EPHA6: variants seen among roughly 807,000 people sequenced by gnomAD.
The protein encoded by EPHA6 is ephrin type-A receptor 6.
Under a neutral mutation model 112.0 loss-of-function variants are expected in EPHA6, and 50 were observed. The ratio of observed to expected loss-of-function variants is 0.45; its 90% confidence interval spans 0.36 to 0.56. EPHA6 has a LOEUF of 0.56. Among genes scored for constraint, EPHA6 ranks in the 20% least tolerant of loss-of-function variants. The probability of loss-of-function intolerance (pLI) is 0.00; values close to 1 mark genes in which losing one functional copy is unlikely to be tolerated. For synonymous variants in EPHA6, 529 were observed against 490.7 expected (o/e 1.08, Z -1.03); for missense variants, 1,280 against 1,417.4 (o/e 0.90, Z 1.56).
At position 97,757,501 on chromosome 3, in the gene EPHA6, T is replaced by C. The variant is rs1232518119; in HGVS notation, c.*8800T>C. Among the ~76,000 whole-genome samples, 1 of 151,620 alleles carries C rather than the reference T, an allele frequency of 6.6e-6. No individual in the cohort carries two copies. The highest frequency in any genetic ancestry group is 6.6e-5 in the Admixed American group (1 of 15,240). The stretch of plus-strand genomic sequence containing the variant: ...ATTTGCCAAAAAATTCAAATAATAA[T>C]ACATTGAATATTGGACTGCCATAGC... On this transcript the variant is annotated 3_prime_UTR_variant, in exon 18 of 18. Transcript: ENST00000389672.
Position 97,190,223 on chromosome 3 carries a change from A to G in EPHA6, c.1115-36041A>G, listed in dbSNP as rs145878969. Among the ~76,000 whole-genome samples, 634 of 152,222 alleles carry G rather than the reference A, an allele frequency of 4.2e-3. 5 individuals are homozygous for G. Among genetic ancestry groups the G allele is most frequent in the African/African-American group, 0.014 (585 of 41,558 alleles). On this transcript the variant is annotated intron_variant, in intron 3 of 17. Transcript: ENST00000389672. ...CTATCATGTCCATCTTTTCACTGTT[A>G]CCACTTCAAAATTCATTGGCCTGAC...
At chr3:97,287,309 G>C (rs1351283888) in intron 5 of EPHA6, among the ~76,000 whole-genome samples, 2 of 151,980 alleles carry the variant, frequency 1.3e-5, no homozygotes, top group Non-Finnish European at 2.9e-5. Context: ...GAAAGGCTTA[G>C]CTTCTCTGAG....
rs372560008 is a variant in EPHA6, at chr3:97,083,028, T to C, written c.1114+95035T>C. The stretch of plus-strand genomic sequence containing the variant: ...TTTGAGTCCCTAAATTTGTCCATTC[T>C]AACTTAATATTCTATCTATAACTCA... On this transcript the variant is annotated intron_variant, in intron 3 of 17. Coordinates refer to ENST00000389672, the MANE Select transcript of EPHA6 (RefSeq NM_001080448.3). Among the ~76,000 whole-genome samples, 8 of 151,800 alleles carry C rather than the reference T, an allele frequency of 5.3e-5. No individual in the cohort carries two copies. The East Asian group carries it at 1.2e-3, about 22-fold the overall frequency.
At chr3:96,964,497 A>G (rs573415883) in intron 2 of EPHA6, among the ~76,000 whole-genome samples, 85 of 152,178 alleles carry the variant, frequency 5.6e-4, no homozygotes, top group African/African-American at 2.0e-3. Context: ...TTTGGTTTTT[A>G]TAGATAACAT....
At chr3:97,178,207 A>G (rs1051096723) in intron 3 of EPHA6, among the ~76,000 whole-genome samples, 10 of 152,108 alleles carry the variant, frequency 6.6e-5, no homozygotes, top group African/African-American at 2.4e-4. Flanking sequence ...ATAAACAAAC[A>G]AACACAAAGA....
intron 11 of EPHA6, among the ~76,000 whole-genome samples, chr3:97,581,939 T>G (rs1207223112): frequency 1.3e-5 from 2 of 152,252 alleles, no homozygotes; most frequent in East Asian, 3.8e-4. Context: ...GAACAACACA[T>G]TCAAATAACA....
At chr3:97,066,347 T>C (rs2046178269) in intron 3 of EPHA6, among the ~76,000 whole-genome samples, 2 of 152,098 alleles carry the variant, frequency 1.3e-5, no homozygotes, top group South Asian at 4.1e-4. Context: ...AGTGAAAATT[T>C]CTCTAATAAA....
intron 5 of EPHA6, among the ~76,000 whole-genome samples, chr3:97,267,095 C>T (rs543511991): frequency 6.6e-6 from 1 of 152,262 alleles, no homozygotes; most frequent in East Asian, 1.9e-4. Context: ...TAGTTGCCTA[C>T]ACTTTTTGTT....
chr3:97,089,088 G>T (rs946135668), intron 3 of EPHA6, among the ~76,000 whole-genome samples: 4 of 152,084 alleles, frequency 2.6e-5, no homozygotes, highest in African/African-American at 4.8e-5. Context: ...AGAAAGCCAG[G>T]AGAGACACTA....
At chr3:97,370,765 T>C (rs995254089) in intron 5 of EPHA6, among the ~76,000 whole-genome samples, 1 of 152,200 alleles carries the variant, frequency 6.6e-6, no homozygotes, top group Non-Finnish European at 1.5e-5. Flanking sequence ...GAATTATAAG[T>C]GTTATTTGAC....
chr3:96,890,311 CAAG>C (rs1331586639), intron 2 of EPHA6, among the ~76,000 whole-genome samples: 3 of 152,014 alleles, frequency 2.0e-5, no homozygotes, highest in Non-Finnish European at 4.4e-5. Context: ...CACAAACCAA[CAAG>C]AAGACAGATG....
rs200683841 is a variant in EPHA6 at position 97,236,369 on chromosome 3, G to GA, written c.1271-7574dup. On this transcript the variant is annotated intron_variant, in intron 4 of 17. Transcript: ENST00000389672. ...TAATAGGTGGGTGAGTGAGAGGTTA[G>GA]AAAAAAAAATCCCATGGTCTTAGCA... Among the ~76,000 whole-genome samples the GA allele has an allele frequency of 5.0e-3, 758 of 150,854 alleles. 5 individuals carry two copies. The highest frequency in any genetic ancestry group is 0.014 in the Middle Eastern group (4 of 290).
chr3:97,688,964 A>G (rs1421427005), intron 14 of EPHA6, among the ~76,000 whole-genome samples: 1 of 152,194 alleles, frequency 6.6e-6, no homozygotes, highest in African/African-American at 2.4e-5. Context: ...AAATGTATAG[A>G]TTATGCCTAT....
intron 10 of EPHA6, among the ~76,000 whole-genome samples, chr3:97,498,021 A>C (rs1467371600): frequency 1.3e-5 from 2 of 152,080 alleles, no homozygotes; most frequent in Non-Finnish European, 2.9e-5. Flanking sequence ...AAAACAAACA[A>C]ACAAACAAAA....
At chr3:97,037,864 A>G (rs1354791138) in intron 3 of EPHA6, among the ~76,000 whole-genome samples, 4 of 152,060 alleles carry the variant, frequency 2.6e-5, no homozygotes, top group Admixed American at 6.6e-5. Context: ...ATGTTGGGTA[A>G]GAGGAGAAAG....
intron 2 of EPHA6, among the ~76,000 whole-genome samples, chr3:96,985,340 C>G (rs1176683057): frequency 6.6e-6 from 1 of 152,072 alleles, no homozygotes; most frequent in Non-Finnish European, 1.5e-5. Flanking sequence ...TGGATGAGTA[C>G]TTTAGATTCT....
rs1397353130 is a variant in EPHA6 at position 97,750,381 on chromosome 3, C to A, written c.*1680C>A. Among the ~76,000 whole-genome samples, 2 of 151,094 alleles carry A rather than the reference C, an allele frequency of 1.3e-5. No individual in the cohort carries two copies. The highest frequency in any genetic ancestry group is 2.9e-5 in the Non-Finnish European group (2 of 67,800). The stretch of plus-strand genomic sequence containing the variant: ...CGTTTGTTTGTTTTTGAGACGGAGG[C>A]GTTTTGCTCTTGTTGCCCAGGCTGG... On this transcript the variant is annotated 3_prime_UTR_variant, in exon 18 of 18. Transcript: ENST00000389672.
At chr3:97,278,971 C>T (rs1349421058) in intron 5 of EPHA6, among the ~76,000 whole-genome samples, 2 of 151,188 alleles carry the variant, frequency 1.3e-5, no homozygotes, top group East Asian at 3.8e-4. Context: ...AAGCACAGTA[C>T]AGGCTGTGTG....
chr3:97,548,062 G>T (rs918221512), intron 11 of EPHA6, among the ~76,000 whole-genome samples: 1 of 152,294 alleles, frequency 6.6e-6, no homozygotes, highest in East Asian at 1.9e-4. Flanking sequence ...ACGGTGCGCT[G>T]TACCCACTGT....
Sources: allele counts gnomAD v4.1 joint callset (sites outside exome capture counted in the v4.1 genomes callset), GRCh38; gene constraint gnomAD v4.1.1; transcripts MANE v1.5; gene names NCBI Gene and HGNC (gene_info 2026-07-23, HGNC 2026-07-21).